DYNC2I1: variants seen among roughly 807,000 people sequenced by gnomAD.
The protein encoded by DYNC2I1 is dynein 2 intermediate chain 1.
In DYNC2I1, 89 loss-of-function variants were observed where a neutral mutation model predicts 133.4. The observed-to-expected ratio is 0.67, with a 90% CI of 0.56 to 0.80. DYNC2I1 has a LOEUF of 0.80. Among genes scored for constraint, DYNC2I1 ranks in the 30% least tolerant of loss-of-function variants. The pLI, the probability that DYNC2I1 is intolerant of heterozygous loss-of-function variation, is 0.00. For missense variants in DYNC2I1, 1,291 were observed against 1,314.5 expected (o/e 0.98, Z 0.28); for synonymous variants, 504 against 484.3 (o/e 1.04, Z -0.54).
chr7:158,840,356 G>A, the DYNC2I1 span, among the ~76,000 whole-genome samples: 4 of 152,262 alleles, frequency 2.6e-5, no homozygotes, highest in East Asian at 1.9e-4. Context: ...CGTCGAAGTC[G>A]GGAGTTCAAG....
At chr7:158,906,435 G>A (rs920080174) in intron 11 of DYNC2I1, among the ~76,000 whole-genome samples, 7 of 152,022 alleles carry the variant, frequency 4.6e-5, no homozygotes, top group African/African-American at 1.7e-4. Context: ...TGACTGAGGA[G>A]TAAATGAAAA....
At chr7:158,940,994 T>G (rs1585249658) in intron 23 of DYNC2I1, among the ~76,000 whole-genome samples, 1 of 151,962 alleles carries the variant, frequency 6.6e-6, no homozygotes, top group African/African-American at 2.4e-5. Context: ...AGAGCAGAAA[T>G]AAATAAATTG....
intron 21 of DYNC2I1, 98 bp from the exon 22 acceptor site, chr7:158,934,031 T>C (rs1180623829): frequency 1.1e-5 from 9 of 810,090 alleles, no homozygotes; most frequent in South Asian, 3.2e-5. Flanking sequence ...TGGCCTGTTA[T>C]ACATCGATGT....
intron 1 of DYNC2I1, among the ~76,000 whole-genome samples, chr7:158,860,722 ATTT>A (rs1234197373): frequency 6.6e-6 from 1 of 152,214 alleles, no homozygotes; most frequent in Admixed American, 6.5e-5. Flanking sequence ...TTGTTATGAA[ATTT>A]ATTAATCATA....
At chr7:158,876,837 G>T in intron 4 of DYNC2I1, 146 bp downstream of exon 4, 3 of 1,051,662 alleles carry the variant, frequency 2.9e-6, no homozygotes, top group African/African-American at 1.7e-5. Context: ...TGTATAGTCA[G>T]TTTCTTTCTC....
the DYNC2I1 span, among the ~76,000 whole-genome samples, chr7:158,840,011 T>TA: frequency 6.6e-6 from 1 of 152,234 alleles, no homozygotes; most frequent in Middle Eastern, 3.4e-3. Flanking sequence ...ATATTGGTCT[T>TA]ACTGTGTCGT....
In DYNC2I1 at chr7:158,881,850, C is replaced by T. The variant is rs186467704; in HGVS notation, c.879+1861C>T. Among the ~76,000 whole-genome samples, 8 of 152,264 alleles carry T rather than the reference C, an allele frequency of 5.3e-5. 1 individual carries two copies. The South Asian group carries it at 1.0e-3, about 20-fold the overall frequency. ...ATTTTCAAACATACAGCAAAGTCGA[C>T]GTAATTTTCCAAAGAACACTCTTGT... On this transcript the variant is annotated intron_variant, in intron 5 of 24. Coordinates refer to ENST00000407559, the MANE Select transcript of DYNC2I1 (RefSeq NM_018051.5).
downstream of DYNC2I1, among the ~76,000 whole-genome samples, chr7:158,950,159 G>A (rs1191855245): frequency 6.6e-6 from 1 of 152,178 alleles, no homozygotes; most frequent in Admixed American, 6.5e-5. Flanking sequence ...TGCCTCCCAG[G>A]TTCAAGTGAT....
chr7:158,852,515 C>G (rs898495064), upstream of DYNC2I1, among the ~76,000 whole-genome samples: 1 of 151,638 alleles, frequency 6.6e-6, no homozygotes, highest in Admixed American at 6.6e-5. Context: ...CCAAGGTGGG[C>G]AGATCACAAG....
the DYNC2I1 span, among the ~76,000 whole-genome samples, chr7:158,841,217 A>ATT: frequency 1.4e-5 from 1 of 69,128 alleles, no homozygotes; most frequent in Non-Finnish European, 2.7e-5. Flanking sequence ...ATATATATAT[A>ATT]TATATTTTAG....
intron 3 of DYNC2I1, among the ~76,000 whole-genome samples, chr7:158,872,167 T>A (rs1842946759): frequency 6.6e-6 from 1 of 151,484 alleles, no homozygotes; most frequent in Non-Finnish European, 1.5e-5. Context: ...AATAAAAAAA[T>A]TAGCTGTGTG....
chr7:158,909,039 A>G (rs1847118626), intron 11 of DYNC2I1, among the ~76,000 whole-genome samples: 1 of 152,166 alleles, frequency 6.6e-6, no homozygotes. Flanking sequence ...TTAAAAAATG[A>G]TAATACTTAG....
At chr7:158,916,301 T>G (rs1848275846) in intron 14 of DYNC2I1, among the ~76,000 whole-genome samples, 1 of 103,016 alleles carries the variant, frequency 9.7e-6, no homozygotes, top group African/African-American at 3.4e-5. Flanking sequence ...GACACGGTGG[T>G]TGAGATTAAG....
chr7:158,893,318 C>T (rs1229932715), intron 8 of DYNC2I1, among the ~76,000 whole-genome samples: 1 of 152,128 alleles, frequency 6.6e-6, no homozygotes, highest in Admixed American at 6.5e-5. Flanking sequence ...GTGTCTTATA[C>T]AGCTGCTCCT....
At position 158,856,709 on chromosome 7, in the gene DYNC2I1, C is replaced by G; in HGVS notation, c.-27C>G. On this transcript the variant is annotated 5_prime_UTR_variant, in exon 1 of 25. Transcript: ENST00000407559. ...CGCGCCTGGCCGGGGCCGAGGACAC[C>G]GCGGCCGCCCGGGCCTGCGGGAAGC... 1 of 1,233,096 alleles carries G rather than the reference C, an allele frequency of 8.1e-7. No individual in the cohort carries two copies. Among genetic ancestry groups the G allele is most frequent in the Non-Finnish European group, 1.0e-6 (1 of 987,024 alleles). The allele number at this position is 1,233,096 out of a possible 1,614,324, so 76.4% of individuals were successfully genotyped here. A position where few individuals can be genotyped will look rare whatever the true frequency, so the allele number is the denominator to read the frequency against.
At position 158,918,775 on chromosome 7, in the gene DYNC2I1, A is replaced by G. The variant is rs965499561; in HGVS notation, c.1827A>G (p.Ala609=). 14 of 1,613,882 alleles carry G rather than the reference A, an allele frequency of 8.7e-6. No individual in the cohort carries two copies. Among genetic ancestry groups the G allele is most frequent in the Non-Finnish European group, 1.2e-5 (14 of 1,179,862 alleles). Residue 609 remains alanine, a synonymous_variant, in exon 15 of 25, where the codon GCA becomes GCG. Transcript: ENST00000407559. ...TTTTGCTGGAAGAGGATCGCTTGGCAGCTGAACCCAGCTGGAATCTTAGGG... is the reference window on the plus strand; with the variant it reads ...TTTTGCTGGAAGAGGATCGCTTGGCGGCTGAACCCAGCTGGAATCTTAGGG... ...MAVLLEEDRL[A]AEPSWNLRAQ...
At chr7:158,875,305 G>C (rs1843253212) in intron 3 of DYNC2I1, among the ~76,000 whole-genome samples, 1 of 152,034 alleles carries the variant, frequency 6.6e-6, no homozygotes, top group African/African-American at 2.4e-5. Context: ...ATGTTGGCCA[G>C]GCTAATCTTG....
chr7:158,908,691 G>A lies in DYNC2I1; in HGVS notation c.1460+2600G>A, dbSNP rs73529742. 8.9e-3 allele frequency among the ~76,000 whole-genome samples: 1,355 copies of A among 152,324 alleles called. 10 individuals are homozygous for A. Among genetic ancestry groups the A allele is most frequent in the African/African-American group, 0.03 (1,231 of 41,578 alleles). On this transcript the variant is annotated intron_variant, in intron 11 of 24. Coordinates refer to ENST00000407559, the MANE Select transcript of DYNC2I1 (RefSeq NM_018051.5). Reference sequence around the variant, plus strand: ...AAGAGCTGAGCTTCAGCAGGGCCCAGGAGCAGCTCAGAGATTTGCCGCAGC... The same window carrying A: ...AAGAGCTGAGCTTCAGCAGGGCCCAAGAGCAGCTCAGAGATTTGCCGCAGC...
upstream of DYNC2I1, among the ~76,000 whole-genome samples, chr7:158,852,612 G>A (rs1282235477): frequency 1.3e-5 from 2 of 151,598 alleles, no homozygotes; most frequent in Non-Finnish European, 3.0e-5. Context: ...GGTGGGAGGT[G>A]CCTGCAGTCC....
Sources: allele counts gnomAD v4.1 joint callset (sites outside exome capture counted in the v4.1 genomes callset), GRCh38; gene constraint gnomAD v4.1.1; transcripts MANE v1.5; gene names NCBI Gene and HGNC (gene_info 2026-07-23, HGNC 2026-07-21).